THSD7B: variants seen among roughly 807,000 people sequenced by gnomAD.
The protein encoded by THSD7B is thrombospondin type 1 domain containing 7B, also known as thrombospondin type-1 domain-containing protein 7B.
THSD7B carries 138 observed loss-of-function variants against 213.6 expected under a neutral mutation model. The observed-to-expected ratio is 0.65, with a 90% CI of 0.56 to 0.74. The LOEUF is 0.74. Ranked by LOEUF, THSD7B falls within the 30% of genes least tolerant of loss-of-function variation. The pLI is 0.00. For missense variants in THSD7B, 1,931 were observed against 1,991.5 expected (o/e 0.97, Z 0.58); for synonymous variants, 742 against 687.0 (o/e 1.08, Z -1.25).
chr2:136,881,964 T>C (rs923984040), intron 1 of THSD7B, among the ~76,000 whole-genome samples, 180 bp from the exon 2 acceptor site: 1 of 152,184 alleles, frequency 6.6e-6, no homozygotes, highest in Non-Finnish European at 1.5e-5. Flanking sequence ...CAAAACATGG[T>C]AAAAACAGAA....
chr2:137,155,022 G>A (rs1300750826), intron 5 of THSD7B, among the ~76,000 whole-genome samples: 3 of 152,076 alleles, frequency 2.0e-5, no homozygotes, highest in Non-Finnish European at 4.4e-5. Context: ...ATTTCATATT[G>A]CCAATGAAAA....
intron 12 of THSD7B, among the ~76,000 whole-genome samples, chr2:137,367,640 T>A (rs1358864213): frequency 6.6e-6 from 1 of 152,086 alleles, no homozygotes; most frequent in Non-Finnish European, 1.5e-5. Context: ...CACCACAGAC[T>A]GAGTGGCAAA....
At chr2:136,885,307 T>C (rs1305162204) in intron 2 of THSD7B, among the ~76,000 whole-genome samples, 1 of 147,794 alleles carries the variant, frequency 6.8e-6, no homozygotes, top group Admixed American at 6.8e-5. Context: ...ATTACAGGCA[T>C]TTCTAAGTGA....
intron 12 of THSD7B, among the ~76,000 whole-genome samples, chr2:137,324,362 G>T (rs893001857): frequency 6.6e-6 from 1 of 152,090 alleles, no homozygotes; most frequent in East Asian, 1.9e-4. Context: ...AATCGTGGTC[G>T]AATTTATAAT....
intron 6 of THSD7B, among the ~76,000 whole-genome samples, chr2:137,164,341 C>T (rs546206680): frequency 2.0e-3 from 307 of 152,198 alleles, no homozygotes; most frequent in African/African-American, 6.8e-3. Flanking sequence ...TACCATCTCA[C>T]GCCAGTTAGA....
chr2:137,118,749 A>G (rs529845031), intron 5 of THSD7B, among the ~76,000 whole-genome samples: 5 of 152,186 alleles, frequency 3.3e-5, no homozygotes, highest in East Asian at 3.9e-4. Flanking sequence ...GCTAAGTTGT[A>G]TTAGTCCATT....
intron 7 of THSD7B, among the ~76,000 whole-genome samples, chr2:137,172,953 C>G (rs1177226931): frequency 6.6e-6 from 1 of 152,124 alleles, no homozygotes; most frequent in Non-Finnish European, 1.5e-5. Flanking sequence ...AACATGAGCT[C>G]TAGAGTTAGA....
At chr2:137,239,355 A>C (rs6738978) in intron 9 of THSD7B, among the ~76,000 whole-genome samples, 6 of 152,266 alleles carry the variant, frequency 3.9e-5, no homozygotes, top group African/African-American at 7.2e-5. Flanking sequence ...AAACAGACAC[A>C]TAGTTCACCA....
At chr2:137,395,277 C>A (rs1686148394) in intron 12 of THSD7B, among the ~76,000 whole-genome samples, 1 of 147,408 alleles carries the variant, frequency 6.8e-6, no homozygotes, top group African/African-American at 2.5e-5. Flanking sequence ...TTTGCCCATT[C>A]AGTATGATAT....
intron 10 of THSD7B, among the ~76,000 whole-genome samples, chr2:137,270,006 A>G (rs946588119): frequency 2.0e-5 from 3 of 152,198 alleles, no homozygotes; most frequent in Non-Finnish European, 4.4e-5. Context: ...CTAACAGGGT[A>G]TGATGGTTTA....
At chr2:137,546,435 TTATATATATTA>T (rs1221394497) in intron 15 of THSD7B, among the ~76,000 whole-genome samples, 1 of 32,734 alleles carries the variant, frequency 3.1e-5, no homozygotes, top group African/African-American at 2.0e-4. Context: ...TATATATATA[TTATATATATTA>T]TATATATATT....
chr2:136,790,325 T>C (rs1470949017), intron 1 of THSD7B, among the ~76,000 whole-genome samples: 2 of 152,080 alleles, frequency 1.3e-5, no homozygotes, highest in Non-Finnish European at 2.9e-5. Context: ...CCTTATTTAA[T>C]ATCTTAAAAT....
At chr2:136,810,565 A>C (rs1226848585) in intron 1 of THSD7B, among the ~76,000 whole-genome samples, 1 of 152,216 alleles carries the variant, frequency 6.6e-6, no homozygotes, top group African/African-American at 2.4e-5. Context: ...TTTCTCTGAG[A>C]AAGTCTTAAT....
At chr2:137,415,664 GTTTTTT>G (rs10563702) in intron 14 of THSD7B, among the ~76,000 whole-genome samples, 4,940 of 80,190 alleles carry the variant, frequency 0.062, 306 homozygotes, top group African/African-American at 0.19. Flanking sequence ...TTATATCAGT[GTTTTTT>G]TTTTTTTTTT....
rs78431686 is a variant in THSD7B at position 137,355,010 on chromosome 2, C to T, written c.2501-50603C>T. ...TCTAGCATAGAAATGGCAAAGTAAA[C>T]AGCCAAATCAAAACAAAATGTAGTA... On this transcript the variant is annotated intron_variant, in intron 12 of 27. Coordinates refer to ENST00000409968, the MANE Select transcript of THSD7B (RefSeq NM_001316349.2). Among the ~76,000 whole-genome samples the T allele has an allele frequency of 8.1e-3, 1,239 of 152,204 alleles. 20 individuals carry two copies. Among genetic ancestry groups the T allele is most frequent in the African/African-American group, 0.028 (1,162 of 41,566 alleles).
At chr2:137,035,834 G>T (rs1191967727) in intron 2 of THSD7B, among the ~76,000 whole-genome samples, 2 of 152,040 alleles carry the variant, frequency 1.3e-5, no homozygotes, top group Non-Finnish European at 2.9e-5. Context: ...ATGTTTTATT[G>T]TTATAACACT....
intron 1 of THSD7B, among the ~76,000 whole-genome samples, chr2:136,804,720 G>C (rs1331831164): frequency 6.6e-6 from 1 of 152,044 alleles, no homozygotes; most frequent in African/African-American, 2.4e-5. Flanking sequence ...TCAGATATTT[G>C]CATTTCTTTT....
chr2:137,638,765 AG>A (rs1682881902), intron 20 of THSD7B, among the ~76,000 whole-genome samples: 1 of 152,152 alleles, frequency 6.6e-6, no homozygotes, highest in South Asian at 2.1e-4. Context: ...TGGGAACTGG[AG>A]GAAAGGTGAC....
rs557195801 is a variant in THSD7B, at chr2:136,935,289, G to A, written c.139+52972G>A. Among the ~76,000 whole-genome samples the A allele has an allele frequency of 1.6e-4, 25 of 152,224 alleles. No individual in the cohort carries two copies. The South Asian group carries it at 5.0e-3, about 30-fold the overall frequency. ...TGAACACTGATTTCACTACCTCCCAGTGGTGGTGAAAATTACTACACTTTT... is the reference window on the plus strand; with the variant it reads ...TGAACACTGATTTCACTACCTCCCAATGGTGGTGAAAATTACTACACTTTT... On this transcript the variant is annotated intron_variant, in intron 2 of 27. Coordinates refer to ENST00000409968, the MANE Select transcript of THSD7B (RefSeq NM_001316349.2).
Sources: allele counts gnomAD v4.1 joint callset (sites outside exome capture counted in the v4.1 genomes callset), GRCh38; gene constraint gnomAD v4.1.1; transcripts MANE v1.5; gene names NCBI Gene and HGNC (gene_info 2026-07-23, HGNC 2026-07-21).